Variants in CNTN5 observed in about 807,000 individuals in gnomAD.
CNTN5 encodes contactin 5.
Under a neutral mutation model 129.1 loss-of-function variants are expected in CNTN5, and 77 were observed. The observed-to-expected ratio is 0.60, with a 90% CI of 0.50 to 0.72. The LOEUF (loss-of-function observed/expected upper bound fraction) is 0.72. CNTN5 is among the 30% of genes least tolerant of loss of function. The probability of loss-of-function intolerance (pLI) is 0.00; values close to 1 mark genes in which losing one functional copy is unlikely to be tolerated. For synonymous variants in CNTN5, 509 were observed against 465.6 expected, an observed-to-expected ratio of 1.09 and a Z score of -1.20; for missense variants, 1,478 against 1,328.8, an observed-to-expected ratio of 1.11 and a Z score of -1.75.
chr11:99,089,836 G>A (rs186119742), intron 1 of CNTN5, among the ~76,000 whole-genome samples: 2 of 152,124 alleles, frequency 1.3e-5, no homozygotes, highest in African/African-American at 4.8e-5. Context: ...TGTCATCTGG[G>A]CTAGCCTTGT....
At chr11:99,267,599 A>T (rs1862964561) in intron 1 of CNTN5, among the ~76,000 whole-genome samples, 1 of 151,950 alleles carries the variant, frequency 6.6e-6, no homozygotes, top group Admixed American at 6.6e-5. Flanking sequence ...GATAAAAGCA[A>T]ATCTATTTCT....
At chr11:99,555,135 C>T (rs1200939173) in intron 2 of CNTN5, among the ~76,000 whole-genome samples, 1 of 151,952 alleles carries the variant, frequency 6.6e-6, no homozygotes, top group African/African-American at 2.4e-5. Flanking sequence ...AACTATATTA[C>T]ATTATGATCT....
intron 13 of CNTN5, among the ~76,000 whole-genome samples, chr11:100,097,117 G>A (rs1400839490): frequency 6.6e-6 from 1 of 152,090 alleles, no homozygotes; most frequent in Non-Finnish European, 1.5e-5. Flanking sequence ...TTATAGAAAT[G>A]TACTTTTTCC....
chr11:99,563,486 A>G (rs17133811), intron 3 of CNTN5, among the ~76,000 whole-genome samples: 4,828 of 152,306 alleles, frequency 0.032, 256 homozygotes, highest in African/African-American at 0.11. Flanking sequence ...TTTATGCCCA[A>G]TGTACATGAA....
chr11:100,221,715 G>T (rs1949269887), intron 15 of CNTN5, among the ~76,000 whole-genome samples: 2 of 152,156 alleles, frequency 1.3e-5, no homozygotes, highest in East Asian at 1.9e-4. Context: ...ACTATGCAAG[G>T]TTTCGGCGTG....
intron 1 of CNTN5, among the ~76,000 whole-genome samples, chr11:99,023,541 A>G (rs1280861186): frequency 3.3e-5 from 5 of 152,208 alleles, no homozygotes; most frequent in African/African-American, 7.2e-5. Flanking sequence ...GAAGATTAAA[A>G]TAAAAATGAT....
chr11:99,656,203 A>G (rs930657750), intron 3 of CNTN5, among the ~76,000 whole-genome samples: 1 of 152,072 alleles, frequency 6.6e-6, no homozygotes, highest in African/African-American at 2.4e-5. Flanking sequence ...TCATTTAAAA[A>G]TGAATTGTAA....
intron 7 of CNTN5, among the ~76,000 whole-genome samples, chr11:99,944,938 A>G (rs1264662813): frequency 1.3e-5 from 2 of 152,140 alleles, no homozygotes; most frequent in African/African-American, 2.4e-5. Context: ...ATTGTGTCCA[A>G]GTGTGCAACT....
At chr11:99,162,573 A>G (rs1355664061) in intron 1 of CNTN5, among the ~76,000 whole-genome samples, 1 of 152,200 alleles carries the variant, frequency 6.6e-6, no homozygotes, top group Non-Finnish European at 1.5e-5. Flanking sequence ...ATATTTATGA[A>G]ATTTTCTCAG....
chr11:100,144,475 A>C (rs1486609193), intron 13 of CNTN5, among the ~76,000 whole-genome samples: 3 of 151,982 alleles, frequency 2.0e-5, no homozygotes, highest in African/African-American at 4.8e-5. Flanking sequence ...GTGGTATTTG[A>C]TTTTCTAGAT....
Position 100,341,143 on chromosome 11 carries a change from G to A in CNTN5, c.2968G>A (p.Val990Ile). Residue 990 changes from valine to isoleucine, a missense_variant, in exon 23 of 25, where the codon GTT becomes ATT. Physicochemically the swap from Val to Ile is conservative, Grantham distance 29. Coordinates refer to ENST00000524871, the MANE Select transcript of CNTN5 (RefSeq NM_014361.4). ...NLRWEQQGSQVSLGWEPVIPL... is the reference protein window; with the variant it reads ...NLRWEQQGSQISLGWEPVIPL... The stretch of plus-strand genomic sequence containing the variant: ...CAGGTGGGAGCAGCAAGGCTCTCAG[G>A]TTTCTCTGGGCTGGGAACCCGTCAT... 2 of 1,613,874 alleles carry A rather than the reference G, an allele frequency of 1.2e-6. No individual in the cohort carries two copies. The highest frequency in any genetic ancestry group is 4.5e-5 in the East Asian group (2 of 44,862).
chr11:99,531,242 T>G (rs1225620004), intron 2 of CNTN5, among the ~76,000 whole-genome samples: 1 of 152,194 alleles, frequency 6.6e-6, no homozygotes, highest in African/African-American at 2.4e-5. Context: ...TGGCAGCATT[T>G]GCCCCTGCCA....
chr11:100,134,798 A>C (rs183158613), intron 13 of CNTN5, among the ~76,000 whole-genome samples: 54 of 152,266 alleles, frequency 3.5e-4, no homozygotes, highest in Admixed American at 3.0e-3. Flanking sequence ...CATGGACTCC[A>C]GTCCACCTAC....
At chr11:99,228,935 T>C (rs1860836029) in intron 1 of CNTN5, among the ~76,000 whole-genome samples, 1 of 151,966 alleles carries the variant, frequency 6.6e-6, no homozygotes, top group Non-Finnish European at 1.5e-5. Context: ...TTATGATTGT[T>C]TTGCCTTTAT....
intron 4 of CNTN5, among the ~76,000 whole-genome samples, chr11:99,838,927 G>T (rs1374122374): frequency 2.0e-5 from 3 of 152,212 alleles, no homozygotes; most frequent in African/African-American, 7.2e-5. Context: ...CACGGGGAAA[G>T]AAATTAAGCT....
intron 2 of CNTN5, among the ~76,000 whole-genome samples, chr11:99,349,456 T>C (rs1565511327): frequency 6.6e-6 from 1 of 152,250 alleles, no homozygotes. Context: ...GTCCAGTTTC[T>C]TGGCAAGCTG....
chr11:100,127,169 G>A (rs1174409414), intron 13 of CNTN5, among the ~76,000 whole-genome samples: 1 of 141,054 alleles, frequency 7.1e-6, no homozygotes, highest in Non-Finnish European at 1.5e-5. Context: ...CAAACCTCTG[G>A]TCTCAATCTA....
chr11:100,065,385 C>T (rs1421395958), intron 10 of CNTN5, among the ~76,000 whole-genome samples: 1 of 151,884 alleles, frequency 6.6e-6, no homozygotes, highest in Admixed American at 6.6e-5. Context: ...TAGGTATGCA[C>T]ATCATTTTAT....
chr11:99,393,511 A>G (rs1441450132), intron 2 of CNTN5, among the ~76,000 whole-genome samples: 3 of 151,914 alleles, frequency 2.0e-5, no homozygotes, highest in Admixed American at 6.6e-5. Context: ...AAAGGGAGCT[A>G]AGTAAGTTAG....
Sources: gnomAD v4.1 joint callset for allele counts (sites outside exome capture counted in the v4.1 genomes callset) on GRCh38, gnomAD v4.1.1 for gene constraint, MANE v1.5 for transcripts, NCBI Gene and HGNC (gene_info 2026-07-23, HGNC 2026-07-21) for gene names.